Variants in KLRG1 observed in about 807,000 individuals in gnomAD.
KLRG1 encodes killer cell lectin like receptor G1, also known as killer cell lectin-like receptor subfamily G member 1.
Under a neutral mutation model 21.8 loss-of-function variants are expected in KLRG1, and 16 were observed. The ratio of observed to expected loss-of-function variants is 0.73; its 90% CI spans 0.50 to 1.11. The LOEUF (loss-of-function observed/expected upper bound fraction) is 1.11, where lower values mean the gene tolerates loss of function less well. Among genes scored for constraint, KLRG1 ranks in the 50% most tolerant of loss-of-function variants. The probability of loss-of-function intolerance (pLI) is 0.00; values close to 1 mark genes in which losing one functional copy is unlikely to be tolerated. For synonymous variants in KLRG1, 69 were observed against 75.9 expected, an observed-to-expected ratio of 0.91 and a Z score of 0.47; for missense variants, 173 against 218.3, an observed-to-expected ratio of 0.79 and a Z score of 1.31.
the KLRG1 span, among the ~76,000 whole-genome samples, chr12:9,020,843 T>TGCG: frequency 6.6e-6 from 1 of 152,208 alleles, no homozygotes; most frequent in Non-Finnish European, 1.5e-5. Context: ...AAAACAAGGA[T>TGCG]GCCTTCTGAG....
the KLRG1 span, among the ~76,000 whole-genome samples, chr12:9,168,121 A>C: frequency 1.3e-5 from 2 of 152,202 alleles, no homozygotes; most frequent in Non-Finnish European, 2.9e-5. Context: ...GTGTTGGTGC[A>C]TTATATTTAG....
chr12:9,049,645 C>A, the KLRG1 span, among the ~76,000 whole-genome samples: 1 of 152,050 alleles, frequency 6.6e-6, no homozygotes, highest in Admixed American at 6.5e-5. Context: ...GTTCCCATTG[C>A]CTAAGTTTAT....
the KLRG1 span, chr12:9,080,156 A>G: frequency 6.3e-7 from 1 of 1,585,780 alleles, no homozygotes; most frequent in East Asian, 2.3e-5. Flanking sequence ...TTTCAGGGAT[A>G]ATTCTTCAGA....
At chr12:8,967,570 A>G (rs1423923834) in intron 1 of KLRG1, among the ~76,000 whole-genome samples, 2 of 131,844 alleles carry the variant, frequency 1.5e-5, no homozygotes, top group Admixed American at 7.7e-5. Context: ...AAAAATTAAA[A>G]AATTAGCCAG....
At chr12:9,171,358 A>C in the KLRG1 span, among the ~76,000 whole-genome samples, 5 of 152,338 alleles carry the variant, frequency 3.3e-5, no homozygotes, top group South Asian at 1.0e-3. Context: ...TTCAAAGGGC[A>C]GCAGCCTCAA....
At chr12:9,045,919 C>G in the KLRG1 span, among the ~76,000 whole-genome samples, 1 of 152,132 alleles carries the variant, frequency 6.6e-6, no homozygotes, top group African/African-American at 2.4e-5. Context: ...TTATCCTCAG[C>G]AAACTAACAC....
chr12:9,200,636 C>T, the KLRG1 span, among the ~76,000 whole-genome samples: 693 of 152,228 alleles, frequency 4.6e-3, 3 homozygotes, highest in African/African-American at 0.016. Flanking sequence ...TTGAGCACAG[C>T]GGGTCTCAGT....
the KLRG1 span, among the ~76,000 whole-genome samples, chr12:9,065,480 G>C: frequency 1.3e-5 from 2 of 152,278 alleles, no homozygotes; most frequent in East Asian, 3.9e-4. Flanking sequence ...CTGGCCGAGC[G>C]TGCACACGCT....
chr12:9,038,051 G>A, the KLRG1 span, among the ~76,000 whole-genome samples: 1 of 152,326 alleles, frequency 6.6e-6, no homozygotes, highest in South Asian at 2.1e-4. Context: ...TTGAGGCCAG[G>A]AGTTTGAGAC....
At chr12:9,111,451 T>C in the KLRG1 span, 1 of 451,722 alleles carries the variant, frequency 2.2e-6, no homozygotes, top group African/African-American at 2.0e-5. Context: ...ATTGTAATGA[T>C]CTTATTTAGA....
the KLRG1 span, among the ~76,000 whole-genome samples, chr12:9,197,641 A>G: frequency 4.6e-5 from 3 of 64,750 alleles, no homozygotes; most frequent in Non-Finnish European, 7.9e-5. Context: ...TATATATTAT[A>G]TTATATAATA....
chr12:9,154,626 G>A, the KLRG1 span: 22 of 1,614,016 alleles, frequency 1.4e-5, no homozygotes, highest in African/African-American at 1.5e-4. Flanking sequence ...CTGGGTGGAG[G>A]AGAAACCACC....
upstream of KLRG1, among the ~76,000 whole-genome samples, chr12:8,984,671 T>C (rs1946813173): frequency 6.6e-6 from 1 of 152,220 alleles, no homozygotes; most frequent in South Asian, 2.1e-4. Context: ...TATGACTATA[T>C]TTTCTTCTAA....
At chr12:9,157,364 G>A in the KLRG1 span, 24 of 1,605,662 alleles carry the variant, frequency 1.5e-5, no homozygotes, top group Admixed American at 1.0e-4. Context: ...TTCTGTAAAG[G>A]CAAAATGTGG....
downstream of KLRG1, chr12:9,010,895 A>G (rs1947622656): frequency 6.6e-6 from 1 of 152,238 alleles, no homozygotes; most frequent in African/African-American, 2.4e-5. Context: ...AGGGCCAGTT[A>G]ATCTGGATAC....
chr12:9,116,354 A>G, the KLRG1 span: 3 of 176,120 alleles, frequency 1.7e-5, no homozygotes, highest in East Asian at 4.0e-4. Context: ...GTTTGAAGCC[A>G]CATCAGAATT....
At chr12:9,037,835 C>A in the KLRG1 span, among the ~76,000 whole-genome samples, 1 of 152,330 alleles carries the variant, frequency 6.6e-6, no homozygotes, top group South Asian at 2.1e-4. Context: ...CAATTGGCTA[C>A]ACCATATAGG....
the KLRG1 span, among the ~76,000 whole-genome samples, chr12:9,103,143 TTTAAAACTAA>T: frequency 1.3e-5 from 2 of 152,164 alleles, no homozygotes; most frequent in Non-Finnish European, 2.9e-5. Context: ...AGTATATATA[TTTAAAACTAA>T]ATGCTAATTA....
chr12:9,045,326 C>G, the KLRG1 span, among the ~76,000 whole-genome samples: 2 of 151,976 alleles, frequency 1.3e-5, no homozygotes, highest in Non-Finnish European at 2.9e-5. Context: ...AGCCCAAAGA[C>G]AAAAATGACG....
Sources: gnomAD v4.1 joint callset for allele counts (sites outside exome capture counted in the v4.1 genomes callset) on GRCh38, gnomAD v4.1.1 for gene constraint, MANE v1.5 for transcripts, NCBI Gene and HGNC (gene_info 2026-07-23, HGNC 2026-07-21) for gene names.